The following FRS2 variants were observed in gnomAD, a reference collection of about 807,000 sequenced individuals.
The protein encoded by FRS2 is FGFR signalling adaptor.
A neutral mutation model predicts 43.9 loss-of-function variants in FRS2; 8 were observed. That is an observed-to-expected ratio of 0.18 (90% confidence interval 0.11 to 0.33). The LOEUF is 0.33. FRS2 is among the 10% of genes least tolerant of loss of function. The pLI is 1.00. For missense variants in FRS2, 534 were observed against 627.6 expected (o/e 0.85, Z 1.59); for synonymous variants, 219 against 220.3 (o/e 0.99, Z 0.05).
intron 1 of FRS2, among the ~76,000 whole-genome samples, chr12:69,475,789 G>A (rs1005250195): frequency 5.3e-5 from 8 of 152,096 alleles, no homozygotes; most frequent in South Asian, 2.1e-4. Flanking sequence ...TGTGGCTCCC[G>A]AAGTGCTGGA....
intron 4 of FRS2, among the ~76,000 whole-genome samples, chr12:69,564,298 AT>A (rs1200412545): frequency 4.0e-5 from 6 of 150,100 alleles, no homozygotes; most frequent in African/African-American, 1.5e-4. Context: ...ATTTAAACAC[AT>A]TTGTATTTCC....
At chr12:69,570,038 G>C (rs1880614099) in intron 5 of FRS2, among the ~76,000 whole-genome samples, 1 of 152,132 alleles carries the variant, frequency 6.6e-6, no homozygotes, top group African/African-American at 2.4e-5. Context: ...AAATGAAGGT[G>C]TCTCAACAAC....
At chr12:69,569,586 C>T (rs710779) in intron 5 of FRS2, among the ~76,000 whole-genome samples, 77,792 of 152,096 alleles carry the variant, frequency 0.51, 22,734 homozygotes, top group African/African-American at 0.79. Flanking sequence ...AATTTGACCT[C>T]GATCTGTTAC....
At chr12:69,473,770 A>G (rs1347730936) in intron 1 of FRS2, among the ~76,000 whole-genome samples, 1 of 152,192 alleles carries the variant, frequency 6.6e-6, no homozygotes, top group Non-Finnish European at 1.5e-5. Flanking sequence ...AAGGCTCTGC[A>G]GGACCTCAAT....
intron 3 of FRS2, among the ~76,000 whole-genome samples, chr12:69,535,578 C>G (rs1299001165): frequency 3.3e-5 from 5 of 152,086 alleles, no homozygotes. Context: ...CTCTTGGGCT[C>G]AAGCAATCCT....
rs750528783 is a variant in FRS2 at position 69,574,380 on chromosome 12, T to A, written c.952T>A (p.Ser318Thr). The A allele has an allele frequency of 2.5e-6, 4 of 1,612,968 alleles. No individual in the cohort carries two copies. In the South Asian group the frequency reaches 3.3e-5, roughly 13 times the overall value. The change falls in exon 9 of 9, where the codon TCA becomes ACA. Residue 318 changes from serine (S) to threonine (T), a missense_variant. Ser to Thr is a moderately conservative substitution (Grantham distance 58, BLOSUM62 1). Around this residue, in one of 3 missense-constraint regions of FRS2, gnomAD observed 446 missense variants for 494.2 expected, o/e 0.90. Coordinates refer to ENST00000549921, the MANE Select transcript of FRS2 (RefSeq NM_001278356.2). Reference protein sequence around the residue: ...NINGLSIPSASGVRRGRLTST... With the variant: ...NINGLSIPSATGVRRGRLTST... ...AAATGGGCTATCTATCCCTAGTGCC[T>A]CAGGGGTCAGGAGAGGTCGTCTGAC...
intron 3 of FRS2, among the ~76,000 whole-genome samples, chr12:69,559,338 TAC>T (rs1302159610): frequency 6.6e-6 from 1 of 152,176 alleles, no homozygotes; most frequent in Non-Finnish European, 1.5e-5. Flanking sequence ...GAAATTAAGG[TAC>T]CAGATATTGA....
chr12:69,557,357 G>C (rs541303393), intron 3 of FRS2, among the ~76,000 whole-genome samples: 2 of 152,262 alleles, frequency 1.3e-5, no homozygotes, highest in South Asian at 2.1e-4. Flanking sequence ...TATTCATTCA[G>C]ATTTTCAGAG....
intron 1 of FRS2, among the ~76,000 whole-genome samples, chr12:69,490,193 A>G (rs1399732897): frequency 6.6e-6 from 1 of 152,150 alleles, no homozygotes; most frequent in Non-Finnish European, 1.5e-5. Context: ...TGAATCTGAG[A>G]AAGAAGAGGG....
At chr12:69,570,797 T>A (rs567690825) in intron 6 of FRS2, among the ~76,000 whole-genome samples, 1 of 152,362 alleles carries the variant, frequency 6.6e-6, no homozygotes, top group African/African-American at 2.4e-5. Context: ...TTTTACTACC[T>A]ACTACTTGAA....
chr12:69,529,988 A>T (rs918529357), intron 1 of FRS2, among the ~76,000 whole-genome samples: 1 of 152,132 alleles, frequency 6.6e-6, no homozygotes, highest in East Asian at 1.9e-4. Flanking sequence ...TGGGAGGCAG[A>T]GGTTGCAGTG....
Position 69,501,755 on chromosome 12 carries a change from T to A in FRS2, c.-260-29110T>A, listed in dbSNP as rs143019792. On this transcript the variant is annotated intron_variant, in intron 1 of 8. Coordinates refer to ENST00000549921, the MANE Select transcript of FRS2 (RefSeq NM_001278356.2). ...CGGTTGTGTGGAAAGAGGTGATGAA[T>A]TGGCTGTATTACCTGAAAGTAAATT... 2.8e-3 allele frequency among the ~76,000 whole-genome samples: 432 copies of A among 152,322 alleles called. 1 individual carries two copies. The highest frequency in any genetic ancestry group is 0.01 in the African/African-American group (420 of 41,562).
intron 3 of FRS2, among the ~76,000 whole-genome samples, chr12:69,538,197 T>TTTTATATATA (rs869192774): frequency 3.7e-5 from 3 of 81,636 alleles, no homozygotes; most frequent in Admixed American, 1.2e-4. Context: ...AAAACAAATT[T>TTTTATATATA]TATATATATA....
Position 69,574,938 on chromosome 12 carries a change from A to G in FRS2, c.1510A>G (p.Thr504Ala). 6.2e-7 allele frequency: 1 copy of G among 1,606,584 alleles called. No homozygotes were observed. The highest frequency in any genetic ancestry group is 1.1e-5 in the South Asian group (1 of 90,914). ...GTSRKTRHNS[T>A]DLPM ...ATCTAGGAAAACTAGACACAATAGT[A>G]CTGATCTGCCCATGTGAGCCTGGAA... The change falls in exon 9 of 9, where the codon ACT (threonine) becomes GCT (alanine). Residue 504 changes from threonine (T) to alanine (A), a missense_variant. Around this residue, in one of 3 missense-constraint regions of FRS2, gnomAD observed 446 missense variants for 494.2 expected, o/e 0.90. Coordinates refer to ENST00000549921, the MANE Select transcript of FRS2 (RefSeq NM_001278356.2).
chr12:69,477,255 G>A (rs537476966), intron 1 of FRS2, among the ~76,000 whole-genome samples: 2 of 149,276 alleles, frequency 1.3e-5, no homozygotes, highest in South Asian at 2.1e-4. Context: ...CATGCATGTC[G>A]ACAGTATTTT....
chr12:69,477,827 G>A (rs926573848), intron 1 of FRS2, among the ~76,000 whole-genome samples: 2 of 149,952 alleles, frequency 1.3e-5, no homozygotes, highest in African/African-American at 2.5e-5. Context: ...TGCAAGCTCC[G>A]CCTTCTGGGT....
intron 1 of FRS2, among the ~76,000 whole-genome samples, chr12:69,483,715 AAAG>A: frequency 1.3e-5 from 2 of 152,342 alleles, no homozygotes; most frequent in South Asian, 4.1e-4. Flanking sequence ...TTAAGCTTAA[AAAG>A]AGAAATACTG....
At chr12:69,484,560 A>G (rs564560071) in intron 1 of FRS2, among the ~76,000 whole-genome samples, 6 of 152,038 alleles carry the variant, frequency 3.9e-5, no homozygotes, top group South Asian at 4.2e-4. Flanking sequence ...TGGATTCTCA[A>G]CCTTTCTTCC....
At chr12:69,472,709 G>A (rs775673765) in intron 1 of FRS2, among the ~76,000 whole-genome samples, 4 of 152,202 alleles carry the variant, frequency 2.6e-5, no homozygotes, top group Non-Finnish European at 4.4e-5. Flanking sequence ...TATTTGCTAT[G>A]CTATGTTAGG....
Sources: gnomAD v4.1 joint callset for allele counts (sites outside exome capture counted in the v4.1 genomes callset) on GRCh38, gnomAD v4.1.1 for gene constraint, gnomAD v4.1.1 regional missense constraint, MANE v1.5 for transcripts, NCBI Gene and HGNC (gene_info 2026-07-23, HGNC 2026-07-21) for gene names.